Variants in MAEA observed in about 807,000 individuals in gnomAD.
The protein encoded by MAEA is macrophage erythroblast attacher, E3 ubiquitin ligase.
Under a neutral mutation model 46.2 loss-of-function variants are expected in MAEA, and 22 were observed. The observed-to-expected ratio is 0.48, with a 90% CI of 0.34 to 0.68. MAEA has a LOEUF of 0.68. Among genes scored for constraint, MAEA ranks in the 30% least tolerant of loss-of-function variants. The pLI, the probability that MAEA is intolerant of heterozygous loss-of-function variation, is 0.01. For synonymous variants in MAEA, 246 were observed against 222.6 expected (o/e 1.11, Z -0.94); for missense variants, 393 against 558.1 (o/e 0.70, Z 2.98).
At chr4:1,330,530 T>TAATGTTTGTATTTTTAGTAGA (rs1174058773) in intron 5 of MAEA, 2 of 151,586 alleles carry the variant, frequency 1.3e-5, no homozygotes, top group African/African-American at 4.9e-5. Flanking sequence ...TTGGCCAGGC[T>TAATGTTTGTATTTTTAGTAGA]GGTCTCAAAC....
intron 4 of MAEA, among the ~76,000 whole-genome samples, chr4:1,326,648 G>C (rs1340285161): frequency 6.7e-6 from 1 of 149,052 alleles, no homozygotes; most frequent in Non-Finnish European, 1.5e-5. Flanking sequence ...CTCAGGCATA[G>C]TGCCTTCAGC....
chr4:1,293,842 T>C (rs1008828532), intron 1 of MAEA, among the ~76,000 whole-genome samples: 1 of 152,066 alleles, frequency 6.6e-6, no homozygotes, highest in African/African-American at 2.4e-5. Flanking sequence ...CCCTGATGCC[T>C]CACAGCCTGG....
At chr4:1,319,565 A>AG (rs1452895536) in intron 3 of MAEA, among the ~76,000 whole-genome samples, 1 of 147,420 alleles carries the variant, frequency 6.8e-6, no homozygotes, top group Admixed American at 6.9e-5. Context: ...ACGGGACATG[A>AG]GGCAGGATAT....
chr4:1,321,680 G>A (rs1413866931), intron 3 of MAEA, among the ~76,000 whole-genome samples: 2 of 152,122 alleles, frequency 1.3e-5, no homozygotes, highest in Non-Finnish European at 2.9e-5. Context: ...GGAAGGTCGG[G>A]AGTCATTGCT....
At chr4:1,309,931 C>G (rs1183909274) in intron 1 of MAEA, 1 of 1,285,508 alleles carries the variant, frequency 7.8e-7, no homozygotes, top group Non-Finnish European at 9.9e-7. Flanking sequence ...CCGCGTAGAA[C>G]TTGAATGCAG....
intron 1 of MAEA, chr4:1,309,509 T>C: frequency 7.4e-7 from 1 of 1,352,728 alleles, no homozygotes; most frequent in Non-Finnish European, 9.6e-7. Context: ...GCTGCCCTGC[T>C]GGAGGGAGAG....
intron 4 of MAEA, among the ~76,000 whole-genome samples, chr4:1,327,129 C>G (rs978667976): frequency 2.6e-5 from 4 of 152,270 alleles, no homozygotes; most frequent in African/African-American, 7.2e-5. Context: ...CGGGACAGGA[C>G]TTGCCCACGT....
At position 1,289,939 on chromosome 4, in the gene MAEA, A is replaced by T; in HGVS notation, c.26A>T (p.Gln9Leu). The T allele has an allele frequency of 1.1e-5, 17 of 1,602,084 alleles. No individual in the cohort carries two copies. The highest frequency in any genetic ancestry group is 1.4e-5 in the Non-Finnish European group (16 of 1,174,098). ...ATGGCGGTGCAGGAGTCGGCGGCTCAGTTGTCCATGACCCTGAAGGTCCAG... is the reference window on the plus strand; with the variant it reads ...ATGGCGGTGCAGGAGTCGGCGGCTCTGTTGTCCATGACCCTGAAGGTCCAG... MAVQESAA[Q>L]LSMTLKVQEY... is the part of the protein sequence containing the mutation. Residue 9 changes from glutamine to leucine, a missense_variant, in exon 1 of 9, where the codon CAG becomes CTG. Transcript: ENST00000303400.
At position 1,328,732 on chromosome 4, in the gene MAEA, C is replaced by T. The variant is rs552854122; in HGVS notation, c.656+1029C>T. ...TGGTCCCCAAGACGCACGGCAGAACCGCGGCAAGTCCCTGCCCTTGCGTGG... is the reference window on the plus strand; with the variant it reads ...TGGTCCCCAAGACGCACGGCAGAACTGCGGCAAGTCCCTGCCCTTGCGTGG... On this transcript the variant is annotated intron_variant, in intron 5 of 8. Coordinates refer to ENST00000303400, the MANE Select transcript of MAEA (RefSeq NM_001017405.3). 511 of 1,236,996 alleles carry T rather than the reference C, an allele frequency of 4.1e-4. 12 individuals carry two copies. The South Asian group carries it at 4.3e-3, about 11-fold the overall frequency. The allele number at this position is 1,236,996 out of a possible 1,614,324, so 76.6% of individuals were successfully genotyped here.
At chr4:1,297,908 C>G (rs189742573) in intron 1 of MAEA, 14 of 440,208 alleles carry the variant, frequency 3.2e-5, no homozygotes, top group Admixed American at 7.2e-5. Flanking sequence ...CTCCACCCCT[C>G]GCGATGTAGC....
intron 8 of MAEA, 28 bp from the exon 9 acceptor site, chr4:1,339,046 T>A (rs751442309): frequency 7.1e-6 from 11 of 1,555,636 alleles, no homozygotes; most frequent in Non-Finnish European, 8.9e-6. Flanking sequence ...GTCGCTTGCC[T>A]TAATGCATTC....
intron 2 of MAEA, among the ~76,000 whole-genome samples, chr4:1,314,125 C>G (rs889658761): frequency 7.2e-5 from 11 of 152,030 alleles, no homozygotes; most frequent in Non-Finnish European, 2.9e-5. Flanking sequence ...GTCAGGAATT[C>G]AAGACCAGCC....
chr4:1,312,282 C>T (rs910141779), intron 2 of MAEA, 121 bp downstream of exon 2: 3 of 1,151,140 alleles, frequency 2.6e-6, no homozygotes, highest in East Asian at 5.1e-5. Context: ...GTTGGGGGCC[C>T]CCTTCCCTGC....
chr4:1,328,005 G>A (rs1560377538), intron 5 of MAEA, among the ~76,000 whole-genome samples: 1 of 152,368 alleles, frequency 6.6e-6, no homozygotes, highest in East Asian at 1.9e-4. Context: ...AAAACACGTG[G>A]ATCAGGCTCC....
At chr4:1,305,752 C>T (rs553987742) in intron 1 of MAEA, among the ~76,000 whole-genome samples, 3 of 129,268 alleles carry the variant, frequency 2.3e-5, no homozygotes, top group Admixed American at 1.5e-4. Flanking sequence ...AGTGTGCGTG[C>T]GTGCACGTGC....
intron 5 of MAEA, chr4:1,328,896 G>T: frequency 2.0e-6 from 2 of 1,015,650 alleles, no homozygotes; most frequent in South Asian, 3.6e-5. Context: ...GCTAAAGCGG[G>T]GATCTCGGGA....
chr4:1,338,769 C>A lies in MAEA; in HGVS notation c.1095+152C>A, dbSNP rs192874807. On this transcript the variant is annotated intron_variant, in intron 8 of 8. Transcript: ENST00000303400. ...GGCAGGGCGGGGGGCCAGGCTGGCA[C>A]GCGTCGCCATCGGGACAGGGCTGTG... The A allele has an allele frequency of 9.9e-4, 853 of 862,620 alleles. 12 individuals carry two copies. In the African/African-American group the frequency reaches 0.013, roughly 13 times the overall value. The allele number at this position is 862,620 out of a possible 1,614,324, so 53.4% of individuals were successfully genotyped here.
chr4:1,314,934 G>A (rs530195279), intron 2 of MAEA, among the ~76,000 whole-genome samples: 9 of 152,334 alleles, frequency 5.9e-5, no homozygotes, highest in African/African-American at 1.7e-4. Flanking sequence ...GCCCTTAAGT[G>A]TGTGGCAGCC....
Position 1,327,782 on chromosome 4 carries a change from G to T in MAEA, c.656+79G>T, listed in dbSNP as rs1470164111. 8.2e-6 allele frequency: 11 copies of T among 1,334,340 alleles called. No individual in the cohort carries two copies. The African/African-American group carries it at 1.2e-4, about 14-fold the overall frequency. 82.7% of individuals were successfully genotyped at this position (1,334,340 alleles called of 1,614,324 possible). A position where few individuals can be genotyped will look rare whatever the true frequency, so the allele number is the denominator to read the frequency against. ...GCCCCTGCCAGCCCTCCCTGTCGTG[G>T]TCTGGGTCCTGGGACGTCCCCTGGG... On this transcript the variant is annotated intron_variant, in intron 5 of 8. Transcript: ENST00000303400.
Sources: allele counts gnomAD v4.1 joint callset (sites outside exome capture counted in the v4.1 genomes callset), GRCh38; gene constraint gnomAD v4.1.1; transcripts MANE v1.5; gene names NCBI Gene and HGNC (gene_info 2026-07-23, HGNC 2026-07-21).